The following SLC25A48 variants were observed in gnomAD, a reference collection of about 807,000 sequenced individuals.
SLC25A48 encodes the protein solute carrier family 25 member 48.
Under a neutral mutation model 32.2 loss-of-function variants are expected in SLC25A48, and 29 were observed. The ratio of observed to expected loss-of-function variants is 0.90; its 90% CI spans 0.67 to 1.23. The LOEUF (loss-of-function observed/expected upper bound fraction) is 1.23, where lower values mean the gene tolerates loss of function less well. Among genes scored for constraint, SLC25A48 ranks in the 50% most tolerant of loss-of-function variants. The pLI is 0.00. For missense variants in SLC25A48, 399 were observed against 422.7 expected, an observed-to-expected ratio of 0.94 and a Z score of 0.49; for synonymous variants, 164 against 172.3, an observed-to-expected ratio of 0.95 and a Z score of 0.38.
intron 3 of SLC25A48, among the ~76,000 whole-genome samples, chr5:135,745,821 A>T (rs1755625531): frequency 6.6e-6 from 1 of 152,204 alleles, no homozygotes; most frequent in African/African-American, 2.4e-5. Context: ...TGAACGGAAG[A>T]ATCACTCCTC....
At chr5:135,728,340 G>T (rs1223371690) in intron 3 of SLC25A48, among the ~76,000 whole-genome samples, 1 of 151,396 alleles carries the variant, frequency 6.6e-6, no homozygotes, top group Non-Finnish European at 1.5e-5. Context: ...TAGCAAAAAA[G>T]AACTAAAAAC....
chr5:135,773,240 G>A (rs575724754), intron 3 of SLC25A48, among the ~76,000 whole-genome samples: 25 of 151,044 alleles, frequency 1.7e-4, no homozygotes, highest in East Asian at 3.9e-4. Flanking sequence ...ATGATATTAC[G>A]CCCAATATCT....
chr5:135,767,789 T>G (rs1353039967), intron 3 of SLC25A48, among the ~76,000 whole-genome samples: 1 of 151,762 alleles, frequency 6.6e-6, no homozygotes, highest in Admixed American at 6.6e-5. Context: ...TACTCCCTTC[T>G]GTGATATTGT....
intron 6 of SLC25A48, among the ~76,000 whole-genome samples, chr5:135,878,989 A>G (rs1762246360): frequency 6.6e-6 from 1 of 152,162 alleles, no homozygotes; most frequent in Non-Finnish European, 1.5e-5. Context: ...TGAGAGTTGG[A>G]ATCCCATCAC....
chr5:135,760,547 A>G (rs1179489098), intron 3 of SLC25A48, among the ~76,000 whole-genome samples: 3 of 152,334 alleles, frequency 2.0e-5, no homozygotes, highest in African/African-American at 7.2e-5. Context: ...TTCAGAGTGG[A>G]CTGCTCTCTG....
At chr5:135,732,676 A>G (rs1755257165) in intron 3 of SLC25A48, among the ~76,000 whole-genome samples, 1 of 152,220 alleles carries the variant, frequency 6.6e-6, no homozygotes. Context: ...GGAAGAGGTT[A>G]TGAAATGATG....
At chr5:135,864,104 G>A (rs896790749) in intron 4 of SLC25A48, among the ~76,000 whole-genome samples, 2 of 152,144 alleles carry the variant, frequency 1.3e-5, no homozygotes, top group African/African-American at 4.8e-5. Context: ...AGACAAGCTG[G>A]GCTGGATGGT....
At chr5:135,598,015 CAA>C (rs1561751632) in intron 1 of SLC25A48, among the ~76,000 whole-genome samples, 1 of 59,488 alleles carries the variant, frequency 1.7e-5, no homozygotes, top group African/African-American at 4.8e-5. Context: ...AAAAAAAAAT[CAA>C]ACCAAAAAAC....
At chr5:135,887,406 G>A (rs770079400) in intron 7 of SLC25A48, among the ~76,000 whole-genome samples, 1 of 152,016 alleles carries the variant, frequency 6.6e-6, no homozygotes, top group Non-Finnish European at 1.5e-5. Flanking sequence ...TTTTGACCTC[G>A]TGGGTCCTCT....
At chr5:135,671,934 C>T (rs1402357274) in intron 3 of SLC25A48, among the ~76,000 whole-genome samples, 5 of 150,324 alleles carry the variant, frequency 3.3e-5, no homozygotes, top group South Asian at 2.1e-4. Flanking sequence ...CCAAAGTATC[C>T]GGCATTTAAG....
At chr5:135,710,176 C>T (rs781033447) in intron 3 of SLC25A48, among the ~76,000 whole-genome samples, 13 of 152,164 alleles carry the variant, frequency 8.5e-5, no homozygotes, top group Admixed American at 3.3e-4. Flanking sequence ...GAGAGGGCTG[C>T]GAGCAGAGAG....
chr5:135,853,878 A>G (rs1201149775), intron 4 of SLC25A48, among the ~76,000 whole-genome samples: 1 of 152,232 alleles, frequency 6.6e-6, no homozygotes, highest in African/African-American at 2.4e-5. Flanking sequence ...TATAGCCTTA[A>G]GAAATATACT....
chr5:135,608,732 T>C (rs1167377180), intron 1 of SLC25A48, among the ~76,000 whole-genome samples: 1 of 152,174 alleles, frequency 6.6e-6, no homozygotes, highest in African/African-American at 2.4e-5. Flanking sequence ...GGGTGCCTTC[T>C]TCTGTCTCCA....
intron 3 of SLC25A48, among the ~76,000 whole-genome samples, chr5:135,749,326 A>G (rs1424177963): frequency 1.3e-5 from 2 of 151,664 alleles, no homozygotes; most frequent in African/African-American, 4.8e-5. Flanking sequence ...CCTTCTCTCA[A>G]CCTTGCTCCA....
intron 3 of SLC25A48, among the ~76,000 whole-genome samples, chr5:135,675,712 G>A (rs1193186943): frequency 6.6e-6 from 1 of 151,812 alleles, no homozygotes; most frequent in Non-Finnish European, 1.5e-5. Context: ...ATGAATTTTA[G>A]GGTTACGTTT....
At chr5:135,587,345 T>C (rs1339074515) in intron 1 of SLC25A48, among the ~76,000 whole-genome samples, 1 of 152,232 alleles carries the variant, frequency 6.6e-6, no homozygotes, top group Non-Finnish European at 1.5e-5. Context: ...TCATAAAAGT[T>C]TTTGTCTTCT....
intron 3 of SLC25A48, among the ~76,000 whole-genome samples, chr5:135,759,356 C>T (rs554790684): frequency 5.3e-5 from 8 of 152,240 alleles, no homozygotes; most frequent in Admixed American, 2.6e-4. Flanking sequence ...CTCCATGGTA[C>T]GGATGTACCA....
At chr5:135,638,853 C>T (rs994752376) in intron 3 of SLC25A48, among the ~76,000 whole-genome samples, 1 of 152,136 alleles carries the variant, frequency 6.6e-6, no homozygotes, top group Non-Finnish European at 1.5e-5. Context: ...ACTATATGAA[C>T]CTTTCCTCTG....
chr5:135,777,742 C>G lies in SLC25A48; in HGVS notation c.-520-34781C>G, dbSNP rs1323608574. Among the ~76,000 whole-genome samples, 2 of 149,336 alleles carry G rather than the reference C, an allele frequency of 1.3e-5. 1 individual carries two copies. The highest frequency in any genetic ancestry group is 4.3e-4 in the South Asian group (2 of 4,678). Reference sequence around the variant, plus strand: ...AATAGAATTATATTACTCCCAATACCGAATGATGTGTACAACCCCCTGTGA... The same window carrying G: ...AATAGAATTATATTACTCCCAATACGGAATGATGTGTACAACCCCCTGTGA... On this transcript the variant is annotated intron_variant, in intron 3 of 10. Coordinates refer to the SLC25A48 transcript ENST00000646290.
Sources: allele counts gnomAD v4.1 joint callset (sites outside exome capture counted in the v4.1 genomes callset), GRCh38; gene constraint gnomAD v4.1.1; transcripts MANE v1.5; gene names NCBI Gene and HGNC (gene_info 2026-07-23, HGNC 2026-07-21).